ZMAT4: variants seen among roughly 807,000 people sequenced by gnomAD.
ZMAT4 encodes zinc finger matrin-type protein 4.
In ZMAT4, 17 loss-of-function variants were observed where a neutral mutation model predicts 28.7. The observed-to-expected ratio is 0.59, with a 90% CI of 0.41 to 0.89. The LOEUF (loss-of-function observed/expected upper bound fraction) is 0.89, where lower values mean the gene tolerates loss of function less well. Ranked by LOEUF, ZMAT4 falls within the 40% of genes least tolerant of loss-of-function variation. The probability of loss-of-function intolerance (pLI) is 0.00; values close to 1 mark genes in which losing one functional copy is unlikely to be tolerated. For synonymous variants in ZMAT4, 117 were observed against 109.2 expected (o/e 1.07, Z -0.44); for missense variants, 240 against 283.8 (o/e 0.85, Z 1.11).
At chr8:40,749,260 G>A (rs1812364270) in intron 3 of ZMAT4, among the ~76,000 whole-genome samples, 1 of 152,144 alleles carries the variant, frequency 6.6e-6, no homozygotes, top group South Asian at 2.1e-4. Context: ...CCACTGGAAA[G>A]GAGAAGGAGG....
chr8:40,840,335 C>T (rs533289431), intron 1 of ZMAT4, among the ~76,000 whole-genome samples: 24 of 152,258 alleles, frequency 1.6e-4, no homozygotes, highest in African/African-American at 4.8e-4. Flanking sequence ...TTCAGCTCCA[C>T]GACTCCCCAT....
chr8:40,875,832 T>A (rs1258027515), intron 1 of ZMAT4, among the ~76,000 whole-genome samples: 1 of 152,168 alleles, frequency 6.6e-6, no homozygotes, highest in Non-Finnish European at 1.5e-5. Flanking sequence ...CCAACCCCCC[T>A]GAGACTTTCC....
chr8:40,887,039 C>T lies in ZMAT4; in HGVS notation c.-5+10644G>A, dbSNP rs1003875587. On this transcript the variant is annotated intron_variant, in intron 1 of 6. Transcript: ENST00000297737. ...ACAAAAAATTAACCTGGCGTGGTGG[C>T]GGGCGCCTGTAGTCCCAGCTACTTG... is the stretch of plus-strand genomic sequence containing the variant. Among the ~76,000 whole-genome samples the T allele has an allele frequency of 3.4e-4, 51 of 151,644 alleles. 1 individual carries two copies. Among genetic ancestry groups the T allele is most frequent in the Admixed American group, 3.0e-3 (46 of 15,214 alleles).
chr8:40,629,639 G>A (rs569812744), intron 5 of ZMAT4, among the ~76,000 whole-genome samples: 254 of 146,986 alleles, frequency 1.7e-3, no homozygotes, highest in African/African-American at 6.1e-3. Context: ...TCCCACCTAT[G>A]AGTGAGAACA....
chr8:40,744,535 G>T (rs933486814), intron 3 of ZMAT4, among the ~76,000 whole-genome samples: 4 of 152,092 alleles, frequency 2.6e-5, no homozygotes, highest in African/African-American at 9.7e-5. Flanking sequence ...CTAAGCAAAA[G>T]AATACATCAA....
chr8:40,590,950 T>C (rs1423855197), intron 5 of ZMAT4, among the ~76,000 whole-genome samples: 1 of 152,074 alleles, frequency 6.6e-6, no homozygotes, highest in African/African-American at 2.4e-5. Flanking sequence ...TCAATTATGA[T>C]TGGTTGGTTG....
chr8:40,733,901 C>T (rs752252453), intron 3 of ZMAT4, among the ~76,000 whole-genome samples: 3 of 152,106 alleles, frequency 2.0e-5, no homozygotes, highest in Non-Finnish European at 4.4e-5. Flanking sequence ...AAGGTGCTGA[C>T]ACCTTGGAGG....
At chr8:40,615,356 A>C (rs1257206524) in intron 5 of ZMAT4, among the ~76,000 whole-genome samples, 1 of 152,132 alleles carries the variant, frequency 6.6e-6, no homozygotes, top group Non-Finnish European at 1.5e-5. Context: ...GCTGCCCTTA[A>C]GATTTTTTAC....
intron 6 of ZMAT4, among the ~76,000 whole-genome samples, chr8:40,560,816 C>T (rs550913018): frequency 2.9e-4 from 44 of 152,290 alleles, no homozygotes; most frequent in African/African-American, 1.0e-3. Context: ...TCCTGAAAGA[C>T]ATCGCCAGCC....
At chr8:40,585,975 A>G (rs1320818331) in intron 5 of ZMAT4, among the ~76,000 whole-genome samples, 2 of 152,162 alleles carry the variant, frequency 1.3e-5, no homozygotes, top group African/African-American at 4.8e-5. Flanking sequence ...CAAATCTAAA[A>G]CATATTCTGA....
At chr8:40,615,510 C>T (rs1289891307) in intron 5 of ZMAT4, among the ~76,000 whole-genome samples, 2 of 152,206 alleles carry the variant, frequency 1.3e-5, no homozygotes, top group Admixed American at 6.5e-5. Context: ...GGATGATATC[C>T]TGCAGAGTGT....
rs111343292 is a variant in ZMAT4, at chr8:40,886,898, G to A, written c.-5+10785C>T. Among the ~76,000 whole-genome samples, 459 of 152,266 alleles carry A rather than the reference G, an allele frequency of 3.0e-3. 2 individuals carry two copies. Among genetic ancestry groups the A allele is most frequent in the African/African-American group, 9.6e-3 (399 of 41,550 alleles). ...AAAAAGCCCAGTTTTGAGGTAGGGC[G>A]CAGTGGCTCACGCCTATAATCCCAG... On this transcript the variant is annotated intron_variant, in intron 1 of 6. Transcript: ENST00000297737.
intron 6 of ZMAT4, among the ~76,000 whole-genome samples, chr8:40,547,159 C>G (rs545724840): frequency 6.6e-6 from 1 of 152,170 alleles, no homozygotes; most frequent in Admixed American, 6.6e-5. Context: ...AGCGGGCTTG[C>G]GTGTGTCACC....
chr8:40,808,866 C>G (rs1263341365), intron 2 of ZMAT4, among the ~76,000 whole-genome samples: 1 of 135,954 alleles, frequency 7.4e-6, no homozygotes, highest in Admixed American at 7.3e-5. Context: ...AAAAAAAAAA[C>G]TATTCCCGAA....
chr8:40,708,947 C>T (rs1810485250), intron 3 of ZMAT4, among the ~76,000 whole-genome samples: 1 of 151,950 alleles, frequency 6.6e-6, no homozygotes, highest in African/African-American at 2.4e-5. Context: ...AGCAAACAAA[C>T]CAAAACAAAA....
chr8:40,889,038 C>T (rs976301915), intron 1 of ZMAT4, among the ~76,000 whole-genome samples: 4 of 152,242 alleles, frequency 2.6e-5, no homozygotes, highest in African/African-American at 7.2e-5. Flanking sequence ...AACAAAACCA[C>T]TCACTGACTT....
chr8:40,890,575 C>T (rs28650143), intron 1 of ZMAT4, among the ~76,000 whole-genome samples: 19,759 of 152,096 alleles, frequency 0.13, 1,485 homozygotes, highest in South Asian at 0.19. Flanking sequence ...TGGCCTCTCC[C>T]CTTTGCGCCC....
intron 5 of ZMAT4, among the ~76,000 whole-genome samples, chr8:40,601,430 A>G (rs144371055): frequency 0.015 from 1,548 of 101,184 alleles, 160 homozygotes; most frequent in African/African-American, 0.052. Flanking sequence ...GGAAGGAAGG[A>G]AGGAAGGAAG....
chr8:40,752,830 C>T (rs577868009), intron 3 of ZMAT4, among the ~76,000 whole-genome samples: 1 of 152,272 alleles, frequency 6.6e-6, no homozygotes, highest in South Asian at 2.1e-4. Flanking sequence ...CCCATCACTA[C>T]CTGCTTCTGT....
Sources: gnomAD v4.1 joint callset for allele counts (sites outside exome capture counted in the v4.1 genomes callset) on GRCh38, gnomAD v4.1.1 for gene constraint, MANE v1.5 for transcripts, NCBI Gene and HGNC (gene_info 2026-07-23, HGNC 2026-07-21) for gene names.